Variants in SERINC1 observed in about 807,000 individuals in gnomAD.
SERINC1 encodes serine incorporator 1.
In SERINC1, 38 loss-of-function variants were observed where a neutral mutation model predicts 52.9. The observed-to-expected ratio is 0.72, with a 90% CI of 0.55 to 0.94. The LOEUF is 0.94. SERINC1 is among the 40% of genes least tolerant of loss of function. SERINC1 has a pLI of 0.00. For missense variants in SERINC1, 471 were observed against 533.9 expected, an observed-to-expected ratio of 0.88 and a Z score of 1.16; for synonymous variants, 198 against 183.1, an observed-to-expected ratio of 1.08 and a Z score of -0.66.
chr6:122,459,334 A>T lies in SERINC1; in HGVS notation c.40-653T>A, dbSNP rs574441416. ...GTATTTAACAGTATCTAAGAAAGCC[A>T]CAGAGTAAATATTCTCATAATATCA... On this transcript the variant is annotated intron_variant, in intron 1 of 9. Coordinates refer to ENST00000339697, the MANE Select transcript of SERINC1 (RefSeq NM_020755.4). Among the ~76,000 whole-genome samples, 13 of 152,306 alleles carry T rather than the reference A, an allele frequency of 8.5e-5. No individual in the cohort carries two copies. In the South Asian group the frequency reaches 2.7e-3, roughly 32 times the overall value.
At chr6:122,449,647 A>G (rs928755528) in intron 7 of SERINC1, among the ~76,000 whole-genome samples, 4 of 152,216 alleles carry the variant, frequency 2.6e-5, no homozygotes, top group African/African-American at 7.2e-5. Flanking sequence ...ACATAAAAGT[A>G]TAAGGTGAAC....
Position 122,445,225 on chromosome 6 carries a change from T to C in SERINC1, c.1227-46A>G, listed in dbSNP as rs1443502629. The C allele has an allele frequency of 1.9e-6, 3 of 1,583,918 alleles. No homozygotes were observed. In the East Asian group the frequency reaches 6.7e-5, roughly 36 times the overall value. ...ATTAAAAAGGGGCAAGGGGGTTGAA[T>C]TATCAGCCACCAAGCTATGAAGCTT... On this transcript the variant is annotated intron_variant, in intron 9 of 9. Coordinates refer to ENST00000339697, the MANE Select transcript of SERINC1 (RefSeq NM_020755.4).
chr6:122,450,493 G>A (rs1774886086), intron 7 of SERINC1, among the ~76,000 whole-genome samples: 1 of 152,186 alleles, frequency 6.6e-6, no homozygotes. Flanking sequence ...TATTTATTCT[G>A]CAGCCCATGG....
intron 1 of SERINC1, among the ~76,000 whole-genome samples, chr6:122,465,411 A>G (rs1775171958): frequency 6.6e-6 from 1 of 151,698 alleles, no homozygotes; most frequent in Non-Finnish European, 1.5e-5. Flanking sequence ...GGAAACACCA[A>G]GTAGAGTTGA....
intron 1 of SERINC1, 61 bp from the exon 2 acceptor site, chr6:122,458,742 A>G (rs1447953135): frequency 8.7e-7 from 1 of 1,146,362 alleles, no homozygotes; most frequent in African/African-American, 1.6e-5. Flanking sequence ...ATATCTTAAA[A>G]TGATACAATG....
At chr6:122,449,623 A>G (rs1463184069) in intron 7 of SERINC1, among the ~76,000 whole-genome samples, 1 of 152,232 alleles carries the variant, frequency 6.6e-6, no homozygotes, top group African/African-American at 2.4e-5. Flanking sequence ...TTAATGAAAG[A>G]AACTGTCTCC....
In SERINC1 at chr6:122,451,714, A is replaced by G; in HGVS notation, c.800T>C (p.Ile267Thr). The change falls in exon 7 of 10, where the codon ATT (isoleucine) becomes ACT (threonine). Residue 267 changes from isoleucine to threonine, a missense_variant. Physicochemically the swap from Ile to Thr is moderately conservative, Grantham distance 89. Transcript: ENST00000339697. ...PRSGLLQSSV[I>T]TVYTMYLTWS... is the part of the protein sequence containing the mutation. ...TGTCAAATACATTGTGTAGACTGTA[A>G]TTACTGAAGACTGTAACAAACCAGA... 8.3e-7 allele frequency: 1 copy of G among 1,201,706 alleles called. No individual in the cohort carries two copies. The highest frequency in any genetic ancestry group is 1.1e-6 in the Non-Finnish European group (1 of 910,264). The allele number at this position is 1,201,706 out of a possible 1,614,324, so 74.4% of individuals were successfully genotyped here.
At chr6:122,451,602 C>T (rs1774904629) in intron 7 of SERINC1, 62 bp downstream of exon 7, 3 of 637,078 alleles carry the variant, frequency 4.7e-6, no homozygotes, top group Middle Eastern at 5.5e-4. Context: ...CACAAAAAGA[C>T]AATTTCTGGA....
rs879858532 is a variant in SERINC1 at position 122,452,111 on chromosome 6, T to C, written c.590-54A>G. On this transcript the variant is annotated intron_variant, in intron 5 of 9. Coordinates refer to ENST00000339697, the MANE Select transcript of SERINC1 (RefSeq NM_020755.4). ...GCTTTTTATCAGAAATTATTAGCAA[T>C]TAGAAATGGGACCTGTTTTATAAAC... 5.1e-6 allele frequency: 6 copies of C among 1,178,074 alleles called. No individual in the cohort carries two copies. The East Asian group carries it at 1.2e-4, about 23-fold the overall frequency. The allele number at this position is 1,178,074 out of a possible 1,614,324, so 73.0% of individuals were successfully genotyped here.
chr6:122,450,361 TG>T (rs1562213211), intron 7 of SERINC1, among the ~76,000 whole-genome samples: 1 of 152,350 alleles, frequency 6.6e-6, no homozygotes, highest in East Asian at 1.9e-4. Flanking sequence ...AGCCCATTGT[TG>T]GGACTTACTG....
chr6:122,447,870 C>T (rs1289139564), intron 7 of SERINC1, among the ~76,000 whole-genome samples: 1 of 152,110 alleles, frequency 6.6e-6, no homozygotes, highest in East Asian at 1.9e-4. Flanking sequence ...AATCCCAGCA[C>T]TTTGGGAGGC....
chr6:122,454,487 C>T (rs1774963559), intron 3 of SERINC1: 2 of 335,388 alleles, frequency 6.0e-6, no homozygotes, highest in East Asian at 6.8e-5. Context: ...ATAGATCTTT[C>T]CAATTGGAAA....
At chr6:122,453,958 C>A in intron 4 of SERINC1, 51 bp from the exon 5 acceptor site, 1 of 1,520,296 alleles carries the variant, frequency 6.6e-7, no homozygotes, top group South Asian at 1.3e-5. Flanking sequence ...TGATTTTTAT[C>A]ATTTCCTTTC....
At chr6:122,463,046 G>A (rs953960048) in intron 1 of SERINC1, among the ~76,000 whole-genome samples, 1 of 152,162 alleles carries the variant, frequency 6.6e-6, no homozygotes, top group Non-Finnish European at 1.5e-5. Context: ...CACACTACCT[G>A]ATTTCAAGAC....
rs1334661659 is a variant in SERINC1 at position 122,453,897 on chromosome 6, A to G, written c.462T>C (p.Tyr154=). 2.9e-5 allele frequency: 46 copies of G among 1,595,094 alleles called. No homozygotes were observed. Among genetic ancestry groups the G allele is most frequent in the Non-Finnish European group, 3.9e-5 (46 of 1,168,344 alleles). ...AACAAAAGGCACCTGCCATGCCTAC[A>G]TAAAACCACACTGAAAGGGAAAGAA... is the stretch of plus-strand genomic sequence containing the variant. ...PEGTFTTVWF[Y]VGMAGAFCFI... Residue 154 remains tyrosine, a synonymous_variant, in exon 5 of 10, where the codon TAT becomes TAC. Coordinates refer to ENST00000339697, the MANE Select transcript of SERINC1 (RefSeq NM_020755.4).
In SERINC1 at chr6:122,454,217, T is replaced by C; in HGVS notation, c.385A>G (p.Lys129Glu). 6.4e-7 allele frequency: 1 copy of C among 1,572,918 alleles called. No individual in the cohort carries two copies. The highest frequency in any genetic ancestry group is 8.7e-7 in the Non-Finnish European group (1 of 1,154,264). Residue 129 changes from lysine to glutamate, a missense_variant, in exon 4 of 10, where the codon AAA becomes GAA. Lys to Glu is a moderately conservative substitution (Grantham distance 56, BLOSUM62 1). Transcript: ENST00000339697. ...AAVHNGFWFF[K>E]FAAAIAIIIG... is the part of the protein sequence containing the mutation. ...ATAATTGCAATTGCTGCAGCAAATT[T>C]AAAGAACCAAAATCTAAAACAAAAA...
At chr6:122,465,396 G>T (rs1011669640) in intron 1 of SERINC1, among the ~76,000 whole-genome samples, 2 of 151,606 alleles carry the variant, frequency 1.3e-5, no homozygotes, top group Non-Finnish European at 2.9e-5. Context: ...CATGAGGTTT[G>T]ACAGGGAAAC....
chr6:122,452,137 A>G, intron 5 of SERINC1, 80 bp from the exon 6 acceptor site: 1 of 916,674 alleles, frequency 1.1e-6, no homozygotes, highest in Non-Finnish European at 1.5e-6. Flanking sequence ...TTTTATAAAC[A>G]ATCTGTCATT....
At chr6:122,469,768 A>G (rs886273362) in intron 1 of SERINC1, among the ~76,000 whole-genome samples, 2 of 152,054 alleles carry the variant, frequency 1.3e-5, no homozygotes, top group Non-Finnish European at 2.9e-5. Flanking sequence ...CATATTGACC[A>G]GGCGGTCTCC....
Sources: allele counts gnomAD v4.1 joint callset (sites outside exome capture counted in the v4.1 genomes callset), GRCh38; gene constraint gnomAD v4.1.1; transcripts MANE v1.5; gene names NCBI Gene and HGNC (gene_info 2026-07-23, HGNC 2026-07-21).